Variants in TENM3 observed in about 807,000 individuals in gnomAD.
TENM3 encodes the protein teneurin transmembrane protein 3.
Under a neutral mutation model 255.1 loss-of-function variants are expected in TENM3, and 63 were observed. The observed-to-expected ratio is 0.25, with a 90% CI of 0.20 to 0.30. The LOEUF is 0.30. Among genes scored for constraint, TENM3 ranks in the 10% least tolerant of loss-of-function variants. The pLI is 1.00. For missense variants in TENM3, 2,929 were observed against 3,461.1 expected, an observed-to-expected ratio of 0.85 and a Z score of 3.86; for synonymous variants, 1,306 against 1,322.3, an observed-to-expected ratio of 0.99 and a Z score of 0.27.
rs368773604 is a variant in TENM3, at chr4:182,754,557, C to T, written c.4190C>T (p.Ala1397Val). The T allele has an allele frequency of 4.1e-5, 66 of 1,613,918 alleles. No individual in the cohort carries two copies. The highest frequency in any genetic ancestry group is 3.9e-4 in the African/African-American group (29 of 75,054). The change falls in exon 22 of 28, where the codon GCG becomes GTG. Residue 1397 changes from alanine (A) to valine (V), a missense_variant. Ala to Val is a moderately conservative substitution (Grantham distance 64). Coordinates refer to ENST00000511685, the MANE Select transcript of TENM3 (RefSeq NM_001080477.4). The surrounding 1 kb of genome is among the most constrained non-coding windows in gnomAD (Gnocchi z 5.1). ...GTGGAATATCCTGTGGGGAAGCACG[C>T]GGTGCAGACAACACTGGAATCAGCC... Reference protein sequence around the residue: ...PGVEYPVGKHAVQTTLESATA... With the variant: ...PGVEYPVGKHVVQTTLESATA...
At chr4:181,988,724 C>T in the TENM3 span, among the ~76,000 whole-genome samples, 24,837 of 151,840 alleles carry the variant, frequency 0.16, 2,299 homozygotes, top group Non-Finnish European at 0.21. Context: ...TGCCCAAGGT[C>T]ACCTGTCTTT....
the TENM3 span, among the ~76,000 whole-genome samples, chr4:181,779,482 G>T: frequency 1.3e-5 from 2 of 151,624 alleles, no homozygotes; most frequent in African/African-American, 2.4e-5. Flanking sequence ...TAAATAAAAA[G>T]TTCTATCCTT....
chr4:181,569,375 A>G, the TENM3 span, among the ~76,000 whole-genome samples: 2 of 152,172 alleles, frequency 1.3e-5, no homozygotes, highest in African/African-American at 2.4e-5. Context: ...TCCTGTTACT[A>G]TTATACTGCA....
intron 15 of TENM3, 132 bp from the exon 16 acceptor site, chr4:182,730,746 C>A (rs1291931678): frequency 1.0e-6 from 1 of 989,756 alleles, no homozygotes; most frequent in Non-Finnish European, 1.5e-6. Flanking sequence ...TCCCATAGAT[C>A]TGAAAATATT....
At chr4:181,521,159 G>A in the TENM3 span, among the ~76,000 whole-genome samples, 1 of 152,184 alleles carries the variant, frequency 6.6e-6, no homozygotes, top group Non-Finnish European at 1.5e-5. Context: ...GCAAGATTCA[G>A]CTCTTTACAT....
the TENM3 span, among the ~76,000 whole-genome samples, chr4:181,569,816 T>C: frequency 2.6e-5 from 4 of 152,190 alleles, no homozygotes; most frequent in Admixed American, 1.3e-4. Flanking sequence ...TTCGTATCTT[T>C]CTCAGGACTG....
At chr4:182,393,410 G>A (rs1224120265) in intron 3 of TENM3, among the ~76,000 whole-genome samples, 1 of 152,034 alleles carries the variant, frequency 6.6e-6, no homozygotes, top group Non-Finnish European at 1.5e-5. Context: ...GCAGCAGGAG[G>A]GAAATAACAT....
At chr4:181,621,163 T>A in the TENM3 span, among the ~76,000 whole-genome samples, 111 of 152,306 alleles carry the variant, frequency 7.3e-4, no homozygotes, top group East Asian at 0.015. Context: ...TGAACTGGAA[T>A]GTGGATGAAA....
intron 3 of TENM3, among the ~76,000 whole-genome samples, chr4:182,436,879 G>C (rs1188712925): frequency 6.6e-6 from 1 of 152,072 alleles, no homozygotes; most frequent in Non-Finnish European, 1.5e-5. Flanking sequence ...TTAGCCAGGC[G>C]TGGTGGTGGG....
intron 1 of TENM3, among the ~76,000 whole-genome samples, chr4:182,145,915 T>C (rs536193716): frequency 6.6e-6 from 1 of 152,346 alleles, no homozygotes; most frequent in African/African-American, 2.4e-5. Flanking sequence ...GGCATTACCT[T>C]TCCCTTCTCT....
chr4:182,572,006 A>G (rs1580979726), intron 3 of TENM3, among the ~76,000 whole-genome samples: 1 of 152,098 alleles, frequency 6.6e-6, no homozygotes, highest in Admixed American at 6.5e-5. Context: ...GGTTCAAGCA[A>G]TTCTCCTGCC....
intron 3 of TENM3, among the ~76,000 whole-genome samples, chr4:182,411,703 G>C (rs1769996633): frequency 6.6e-6 from 1 of 152,174 alleles, no homozygotes; most frequent in Non-Finnish European, 1.5e-5. Context: ...CTCTGCAAGA[G>C]GAGATATTTT....
chr4:182,767,056 C>A (rs1292231790), intron 22 of TENM3, among the ~76,000 whole-genome samples: 1 of 152,078 alleles, frequency 6.6e-6, no homozygotes, highest in African/African-American at 2.4e-5. Flanking sequence ...ATGATGTGGG[C>A]GTAGGCGACT....
chr4:181,577,210 T>TA, the TENM3 span, among the ~76,000 whole-genome samples: 2,796 of 102,366 alleles, frequency 0.027, 27 homozygotes, highest in African/African-American at 0.031. Context: ...TATATATATA[T>TA]TTTTTTTTTA....
At chr4:182,418,215 G>T (rs751408390) in intron 3 of TENM3, among the ~76,000 whole-genome samples, 4 of 152,340 alleles carry the variant, frequency 2.6e-5, no homozygotes, top group Non-Finnish European at 5.9e-5. Flanking sequence ...GATTGTTGTA[G>T]AGAGTGGAGT....
At chr4:182,639,020 T>C (rs1379381757) in intron 5 of TENM3, among the ~76,000 whole-genome samples, 2 of 152,226 alleles carry the variant, frequency 1.3e-5, no homozygotes, top group African/African-American at 4.8e-5. Flanking sequence ...GATTTTTGCT[T>C]ATTTTTTCAT....
intron 3 of TENM3, among the ~76,000 whole-genome samples, chr4:182,362,477 T>C (rs1445654836): frequency 5.3e-5 from 8 of 152,044 alleles, no homozygotes; most frequent in African/African-American, 1.9e-4. Context: ...GATCTCAGAC[T>C]GCTGTGCTAG....
In TENM3 at chr4:182,308,917, G is replaced by A. The variant is rs766172037; in HGVS notation, c.-75-15029G>A. ...TTAAAAACAAACAATAAACACCCAC[G>A]AAGAAAAATATTCTAGAGAATGGAA... On this transcript the variant is annotated intron_variant, in intron 1 of 27. Coordinates refer to ENST00000511685, the MANE Select transcript of TENM3 (RefSeq NM_001080477.4). 1.8e-4 allele frequency among the ~76,000 whole-genome samples: 28 copies of A among 152,160 alleles called. 1 individual carries two copies. The highest frequency in any genetic ancestry group is 3.5e-4 in the Non-Finnish European group (24 of 68,000).
chr4:182,324,387 GA>G, intron 2 of TENM3, 135 bp downstream of exon 2: 1 of 703,330 alleles, frequency 1.4e-6, no homozygotes, highest in East Asian at 2.7e-5. Flanking sequence ...TGAGATATTA[GA>G]TCATCATGCA....
Sources: gnomAD v4.1 joint callset for allele counts (sites outside exome capture counted in the v4.1 genomes callset) on GRCh38, gnomAD v4.1.1 for gene constraint, Gnocchi (gnomAD v3.1) non-coding constraint, MANE v1.5 for transcripts, NCBI Gene and HGNC (gene_info 2026-07-23, HGNC 2026-07-21) for gene names.